Variants in CLIC5 observed in about 807,000 individuals in gnomAD.
The protein encoded by CLIC5 is chloride intracellular channel protein 5.
A neutral mutation model predicts 24.7 loss-of-function variants in CLIC5; 20 were observed. The observed-to-expected ratio is 0.81, with a 90% CI of 0.57 to 1.18. CLIC5 has a LOEUF of 1.18. Ranked by LOEUF, CLIC5 falls within the 50% of genes most tolerant of loss-of-function variation. CLIC5 has a pLI of 0.00. For missense variants in CLIC5, 341 were observed against 326.1 expected (o/e 1.05, Z -0.35); for synonymous variants, 159 against 135.6 (o/e 1.17, Z -1.20).
At chr6:46,075,183 A>G (rs1254710972) in intron 1 of CLIC5, among the ~76,000 whole-genome samples, 1 of 152,176 alleles carries the variant, frequency 6.6e-6, no homozygotes, top group Non-Finnish European at 1.5e-5. Flanking sequence ...CCATTTTATC[A>G]ATGAGGAAAT....
chr6:46,015,314 C>G (rs556998656), intron 1 of CLIC5, among the ~76,000 whole-genome samples, 166 bp downstream of exon 1: 1 of 152,210 alleles, frequency 6.6e-6, no homozygotes, highest in South Asian at 2.1e-4. Flanking sequence ...TCCATTCCGC[C>G]CAGGAGCCTC....
At chr6:46,040,556 G>A (rs867300938) in intron 1 of CLIC5, among the ~76,000 whole-genome samples, 2 of 151,976 alleles carry the variant, frequency 1.3e-5, no homozygotes, top group African/African-American at 4.8e-5. Context: ...ATTGATAAAG[G>A]TGATAATGAT....
In CLIC5 at chr6:46,034,423, T is replaced by G. The variant is rs536240739; in HGVS notation, c.540+45280A>C. Reference sequence around the variant, plus strand: ...TCAATATGGGTGCTTCAGGCTGAGATGTTTAACATACTGTATTTAAGAATG... The same window carrying G: ...TCAATATGGGTGCTTCAGGCTGAGAGGTTTAACATACTGTATTTAAGAATG... On this transcript the variant is annotated intron_variant, in intron 1 of 5. Transcript: ENST00000185206. Among the ~76,000 whole-genome samples, 11 of 152,322 alleles carry G rather than the reference T, an allele frequency of 7.2e-5. No individual in the cohort carries two copies. The East Asian group carries it at 1.9e-3, about 27-fold the overall frequency.
chr6:45,908,524 T>G (rs1258304020), intron 5 of CLIC5, among the ~76,000 whole-genome samples: 1 of 152,236 alleles, frequency 6.6e-6, no homozygotes. Context: ...GTAATTTTGT[T>G]GTTTACCCAA....
In CLIC5 at chr6:45,940,965, A is replaced by G. The variant is rs537837692; in HGVS notation, c.406+582T>C. ...GCCCCGCAAGAGAACCAAGTCCTGA[A>G]TTCTGTAGCCAATGTCAGAAATGAA... On this transcript the variant is annotated intron_variant, in intron 4 of 5. Coordinates refer to ENST00000339561, the MANE Select transcript of CLIC5 (RefSeq NM_016929.5). Among the ~76,000 whole-genome samples the G allele has an allele frequency of 1.1e-4, 16 of 152,338 alleles. 1 individual carries two copies. In the South Asian group the frequency reaches 3.3e-3, roughly 32 times the overall value.
chr6:45,981,997 C>CA (rs199678716), intron 1 of CLIC5, among the ~76,000 whole-genome samples: 41,769 of 133,420 alleles, frequency 0.31, 7,701 homozygotes, highest in African/African-American at 0.56. Context: ...GACTCCATCT[C>CA]AAAAAAAAAA....
chr6:45,977,346 A>G (rs1765417948), intron 1 of CLIC5, among the ~76,000 whole-genome samples: 1 of 152,194 alleles, frequency 6.6e-6, no homozygotes, highest in Admixed American at 6.5e-5. Flanking sequence ...ATTGTAATGA[A>G]TCAAAATGGT....
chr6:45,949,500 C>A lies in CLIC5; in HGVS notation c.174-119G>T, dbSNP rs1581780741. The A allele has an allele frequency of 2.6e-6, 3 of 1,148,908 alleles. No individual in the cohort carries two copies. In the East Asian group the frequency reaches 7.4e-5, roughly 28 times the overall value. The allele number at this position is 1,148,908 out of a possible 1,614,324, so 71.2% of individuals were successfully genotyped here. ...TATCCAACATGCCTGTCAGGTGAAA[C>A]AGATTTATGGTATGCAGTATAGGGC... On this transcript the variant is annotated intron_variant, in intron 2 of 5. Transcript: ENST00000339561.
intron 2 of CLIC5, among the ~76,000 whole-genome samples, chr6:45,951,442 C>T (rs1333810296): frequency 1.3e-5 from 2 of 152,188 alleles, no homozygotes; most frequent in Non-Finnish European, 2.9e-5. Context: ...AGCACACTGA[C>T]TACCTGCAGG....
At chr6:45,981,258 C>A (rs1027100486) in intron 1 of CLIC5, among the ~76,000 whole-genome samples, 1 of 151,912 alleles carries the variant, frequency 6.6e-6, no homozygotes, top group Non-Finnish European at 1.5e-5. Context: ...CATGAGCCAC[C>A]GCACCTGGCC....
intron 1 of CLIC5, among the ~76,000 whole-genome samples, chr6:45,959,948 C>T: frequency 6.6e-6 from 1 of 152,184 alleles, no homozygotes; most frequent in East Asian, 1.9e-4. Context: ...ACATGCATGA[C>T]TGGCTAGTCA....
chr6:46,028,069 A>G (rs1475323752), intron 1 of CLIC5, among the ~76,000 whole-genome samples: 1 of 152,208 alleles, frequency 6.6e-6, no homozygotes, highest in East Asian at 1.9e-4. Flanking sequence ...CACTGCATCA[A>G]TGGACACAAG....
intron 1 of CLIC5, among the ~76,000 whole-genome samples, chr6:46,047,844 C>G (rs35435198): frequency 0.75 from 112,950 of 151,376 alleles, 42,366 homozygotes; most frequent in Admixed American, 0.81. Context: ...TCAAAAAAAA[C>G]AGAAAAAACA....
upstream of CLIC5, among the ~76,000 whole-genome samples, chr6:46,019,219 A>G (rs939683973): frequency 6.6e-6 from 1 of 152,226 alleles, no homozygotes; most frequent in Non-Finnish European, 1.5e-5. Context: ...TTAATACTTA[A>G]GCTAAATATA....
chr6:46,026,575 G>A (rs1767337861), intron 1 of CLIC5, among the ~76,000 whole-genome samples: 1 of 152,190 alleles, frequency 6.6e-6, no homozygotes, highest in East Asian at 1.9e-4. Flanking sequence ...AAATCAGAGA[G>A]CATTATTTTA....
At chr6:45,909,541 G>A (rs1336345836) in intron 5 of CLIC5, among the ~76,000 whole-genome samples, 1 of 152,124 alleles carries the variant, frequency 6.6e-6, no homozygotes, top group South Asian at 2.1e-4. Context: ...ACAAAGCTTA[G>A]TTTGGTGGGA....
At chr6:46,115,738 G>A in the CLIC5 span, among the ~76,000 whole-genome samples, 1 of 152,172 alleles carries the variant, frequency 6.6e-6, no homozygotes, top group Non-Finnish European at 1.5e-5. Context: ...TATAATGCTT[G>A]GGTTTCTGTA....
intron 1 of CLIC5, among the ~76,000 whole-genome samples, chr6:46,010,574 C>T (rs937210185): frequency 4.6e-5 from 7 of 152,298 alleles, no homozygotes; most frequent in East Asian, 1.9e-4. Flanking sequence ...TTGACAGACG[C>T]TTTGTCTTGC....
At chr6:45,928,029 A>G (rs1763569068) in intron 4 of CLIC5, among the ~76,000 whole-genome samples, 1 of 152,138 alleles carries the variant, frequency 6.6e-6, no homozygotes, top group African/African-American at 2.4e-5. Flanking sequence ...GCCTGTCTTA[A>G]CTCATGAGGC....
Sources: allele counts gnomAD v4.1 joint callset (sites outside exome capture counted in the v4.1 genomes callset), GRCh38; gene constraint gnomAD v4.1.1; transcripts MANE v1.5; gene names NCBI Gene and HGNC (gene_info 2026-07-23, HGNC 2026-07-21).